CADM2: variants seen among roughly 807,000 people sequenced by gnomAD.
CADM2 encodes cell adhesion molecule 2.
In CADM2, 12 loss-of-function variants were observed where a neutral mutation model predicts 49.8. The ratio of observed to expected loss-of-function variants is 0.24; its 90% CI spans 0.15 to 0.39. The LOEUF (loss-of-function observed/expected upper bound fraction) is 0.39. Among genes scored for constraint, CADM2 ranks in the 10% least tolerant of loss-of-function variants. The pLI, the probability that CADM2 is intolerant of heterozygous loss-of-function variation, is 1.00. For missense variants in CADM2, 378 were observed against 492.3 expected, an observed-to-expected ratio of 0.77 and a Z score of 2.20; for synonymous variants, 214 against 175.4, an observed-to-expected ratio of 1.22 and a Z score of -1.74.
chr3:85,228,830 A>C (rs1412755854), intron 1 of CADM2, among the ~76,000 whole-genome samples: 1 of 151,986 alleles, frequency 6.6e-6, no homozygotes, highest in East Asian at 1.9e-4. Flanking sequence ...CAGTCTGTCC[A>C]TTTTCATATC....
At chr3:85,032,140 T>C (rs917989269) in intron 1 of CADM2, among the ~76,000 whole-genome samples, 2 of 152,114 alleles carry the variant, frequency 1.3e-5, no homozygotes, top group African/African-American at 4.8e-5. Flanking sequence ...GTAATCCATT[T>C]AGGGTACAAA....
chr3:85,448,329 T>A (rs2037571665), intron 1 of CADM2, among the ~76,000 whole-genome samples: 1 of 41,920 alleles, frequency 2.4e-5, no homozygotes, highest in African/African-American at 9.1e-5. Flanking sequence ...CAAGATTCCG[T>A]CTCAAAAAAA....
At chr3:85,504,380 C>T (rs961526562) in intron 1 of CADM2, among the ~76,000 whole-genome samples, 36 of 152,158 alleles carry the variant, frequency 2.4e-4, no homozygotes, top group African/African-American at 8.2e-4. Flanking sequence ...GCAAGATTTA[C>T]TGCAAAGAGC....
intron 1 of CADM2, among the ~76,000 whole-genome samples, chr3:85,618,125 T>C (rs1243251589): frequency 6.6e-6 from 1 of 152,106 alleles, no homozygotes; most frequent in Non-Finnish European, 1.5e-5. Context: ...GCAACTTAAA[T>C]TGAAAACAAA....
intron 1 of CADM2, among the ~76,000 whole-genome samples, chr3:85,120,890 C>G (rs2107590652): frequency 6.6e-6 from 1 of 152,262 alleles, no homozygotes; most frequent in Middle Eastern, 3.4e-3. Flanking sequence ...GTAAGATTCA[C>G]TCGACAAATC....
chr3:85,852,988 A>G (rs966497683), intron 3 of CADM2, among the ~76,000 whole-genome samples: 1 of 152,098 alleles, frequency 6.6e-6, no homozygotes, highest in South Asian at 2.1e-4. Context: ...GTATGTTTAA[A>G]TATTTACTTT....
intron 1 of CADM2, among the ~76,000 whole-genome samples, chr3:85,222,282 C>A (rs548842880): frequency 2.0e-5 from 3 of 152,272 alleles, no homozygotes; most frequent in Admixed American, 1.3e-4. Flanking sequence ...GTTGAGACCT[C>A]ATTTCTCTTT....
intron 3 of CADM2, among the ~76,000 whole-genome samples, chr3:85,851,261 T>C (rs2075097498): frequency 6.6e-6 from 1 of 152,176 alleles, no homozygotes; most frequent in African/African-American, 2.4e-5. Flanking sequence ...TACAATTGTT[T>C]CTCATGATTA....
At chr3:86,055,505 C>T (rs530698426) in intron 8 of CADM2, among the ~76,000 whole-genome samples, 79 of 125,082 alleles carry the variant, frequency 6.3e-4, no homozygotes, top group African/African-American at 2.1e-3. Flanking sequence ...CTTGCTCTGT[C>T]ACCCTGGCTG....
At chr3:85,861,731 A>T (rs2075542004) in intron 3 of CADM2, among the ~76,000 whole-genome samples, 1 of 152,198 alleles carries the variant, frequency 6.6e-6, no homozygotes, top group Admixed American at 6.5e-5. Flanking sequence ...AGGTGCTAAG[A>T]TATAATGATT....
At chr3:85,659,168 T>C (rs1202697563) in intron 1 of CADM2, among the ~76,000 whole-genome samples, 1 of 151,808 alleles carries the variant, frequency 6.6e-6, no homozygotes, top group African/African-American at 2.4e-5. Flanking sequence ...TTGGTTTTCC[T>C]GTCTGTGTCT....
At chr3:85,508,590 A>G (rs967235749) in intron 1 of CADM2, among the ~76,000 whole-genome samples, 7 of 152,186 alleles carry the variant, frequency 4.6e-5, no homozygotes, top group Non-Finnish European at 1.0e-4. Flanking sequence ...AGGGCAAAAT[A>G]AAATATGGGA....
At chr3:85,428,806 G>T (rs1200236552) in intron 1 of CADM2, among the ~76,000 whole-genome samples, 1 of 150,906 alleles carries the variant, frequency 6.6e-6, no homozygotes, top group Admixed American at 6.6e-5. Flanking sequence ...ATTTCGTCTT[G>T]CACCATGCAG....
At chr3:85,078,460 A>G (rs1271802599) in intron 1 of CADM2, among the ~76,000 whole-genome samples, 1 of 151,928 alleles carries the variant, frequency 6.6e-6, no homozygotes, top group Non-Finnish European at 1.5e-5. Flanking sequence ...CATCTTGTGG[A>G]ATATATTTGT....
Position 85,182,539 on chromosome 3 carries a change from T to C in CADM2, c.61+222871T>C, listed in dbSNP as rs578125079. On this transcript the variant is annotated intron_variant, in intron 1 of 9. Coordinates refer to ENST00000383699, the MANE Select transcript of CADM2 (RefSeq NM_001167675.2). ...CTTCAAAAGTGTTGATGACAAGGAA[T>C]CACAGATTAGAAGAGACTAAGGAGA... Among the ~76,000 whole-genome samples the C allele has an allele frequency of 1.1e-4, 17 of 152,178 alleles. No homozygotes were observed. In the South Asian group the frequency reaches 3.3e-3, roughly 30 times the overall value.
chr3:85,774,197 C>G (rs1230374650), intron 2 of CADM2, among the ~76,000 whole-genome samples: 1 of 151,710 alleles, frequency 6.6e-6, no homozygotes, highest in Non-Finnish European at 1.5e-5. Flanking sequence ...GTAAATGTCT[C>G]TCAACAAACA....
chr3:85,528,054 G>C (rs906045402), intron 1 of CADM2, among the ~76,000 whole-genome samples: 4 of 152,152 alleles, frequency 2.6e-5, no homozygotes, highest in Non-Finnish European at 5.9e-5. Flanking sequence ...TAGGGACAAA[G>C]ATCACTTTTG....
intron 1 of CADM2, among the ~76,000 whole-genome samples, chr3:85,425,734 G>A (rs1221030428): frequency 6.6e-6 from 1 of 152,180 alleles, no homozygotes; most frequent in East Asian, 1.9e-4. Context: ...ACAAAGTCCA[G>A]TGGAGTCAAA....
intron 1 of CADM2, among the ~76,000 whole-genome samples, chr3:85,316,868 C>G (rs1038587114): frequency 7.9e-5 from 12 of 152,128 alleles, no homozygotes; most frequent in African/African-American, 2.9e-4. Context: ...AAACACCCAG[C>G]TGTCAAAACA....
Sources: allele counts gnomAD v4.1 joint callset (sites outside exome capture counted in the v4.1 genomes callset), GRCh38; gene constraint gnomAD v4.1.1; transcripts MANE v1.5; gene names NCBI Gene and HGNC (gene_info 2026-07-23, HGNC 2026-07-21).